ADAMTSL1: variants seen among roughly 807,000 people sequenced by gnomAD.
The protein encoded by ADAMTSL1 is ADAMTS-like protein 1.
A neutral mutation model predicts 201.8 loss-of-function variants in ADAMTSL1; 126 were observed. The observed-to-expected ratio is 0.62, with a 90% CI of 0.54 to 0.72. The LOEUF (loss-of-function observed/expected upper bound fraction) is 0.72. Among genes scored for constraint, ADAMTSL1 ranks in the 30% least tolerant of loss-of-function variants. The pLI is 0.00. For synonymous variants in ADAMTSL1, 1,121 were observed against 903.4 expected (o/e 1.24, Z -4.32); for missense variants, 2,679 against 2,277.8 (o/e 1.18, Z -3.59).
At chr9:18,606,927 C>T (rs1825056649) in intron 4 of ADAMTSL1, among the ~76,000 whole-genome samples, 1 of 152,166 alleles carries the variant, frequency 6.6e-6, no homozygotes, top group Non-Finnish European at 1.5e-5. Flanking sequence ...GAGATACAAC[C>T]TCCATTCACT....
At chr9:18,464,002 C>T (rs2000047) in intron 2 of ADAMTSL1, among the ~76,000 whole-genome samples, 38,038 of 152,146 alleles carry the variant, frequency 0.25, 5,528 homozygotes, top group South Asian at 0.37. Context: ...TGCAGCTATG[C>T]CAGAGGTGGG....
At chr9:18,513,307 C>G (rs1564008967) in intron 2 of ADAMTSL1, among the ~76,000 whole-genome samples, 1 of 152,190 alleles carries the variant, frequency 6.6e-6, no homozygotes, top group Non-Finnish European at 1.5e-5. Context: ...AGTACTATTT[C>G]TCCCTCCGCC....
intron 16 of ADAMTSL1, among the ~76,000 whole-genome samples, chr9:18,759,511 T>G (rs1819948780): frequency 6.6e-6 from 1 of 152,230 alleles, no homozygotes; most frequent in African/African-American, 2.4e-5. Flanking sequence ...AGTTAGAGGC[T>G]ATATTTATTT....
Position 18,817,185 on chromosome 9 carries a change from C to T in ADAMTSL1, c.3882C>T (p.Ser1294=). ...CTGCAGTCACAGTCGATATAGGAAG[C>T]ACCATCAAAACAGTGCAGGGAGTGA... is the stretch of plus-strand genomic sequence containing the variant. ...EKPAVTVDIG[S]TIKTVQGVNV... is the part of the protein sequence containing the mutation. The change falls in exon 21 of 29, where the codon AGC becomes AGT. Residue 1294 remains serine, a synonymous_variant. Transcript: ENST00000380548. 6.3e-7 allele frequency: 1 copy of T among 1,577,900 alleles called. No homozygotes were observed.
chr9:18,865,244 A>T (rs189399810), intron 23 of ADAMTSL1, among the ~76,000 whole-genome samples: 1,600 of 151,962 alleles, frequency 0.011, 21 homozygotes, highest in Non-Finnish European at 0.012. Context: ...CCTGTGTCCA[A>T]GTGTTCTCAT....
chr9:18,059,000 T>C (rs1241201732), intron 1 of ADAMTSL1, among the ~76,000 whole-genome samples: 2 of 152,186 alleles, frequency 1.3e-5, no homozygotes, highest in Non-Finnish European at 2.9e-5. Context: ...CACATTCTCA[T>C]TTAAGCCTAA....
intron 2 of ADAMTSL1, among the ~76,000 whole-genome samples, chr9:18,270,274 A>T (rs959303275): frequency 6.6e-6 from 1 of 152,084 alleles, no homozygotes; most frequent in Admixed American, 6.6e-5. Context: ...CATGAATCTC[A>T]TTCATGAGGA....
At chr9:18,686,174 G>A (rs182403577) in intron 13 of ADAMTSL1, among the ~76,000 whole-genome samples, 1 of 152,288 alleles carries the variant, frequency 6.6e-6, no homozygotes, top group African/African-American at 2.4e-5. Flanking sequence ...GCCTGCCTCA[G>A]CCTCCCAAAG....
chr9:18,029,867 G>C (rs1270439039), intron 1 of ADAMTSL1, among the ~76,000 whole-genome samples: 1 of 152,144 alleles, frequency 6.6e-6, no homozygotes, highest in Non-Finnish European at 1.5e-5. Context: ...ACACCAGTTA[G>C]AATGGTGATC....
At chr9:18,104,506 C>T (rs1322669918) in intron 1 of ADAMTSL1, among the ~76,000 whole-genome samples, 4 of 152,114 alleles carry the variant, frequency 2.6e-5, no homozygotes, top group Non-Finnish European at 5.9e-5. Context: ...TGCAGGTGGC[C>T]ACACTTGGGC....
At chr9:18,834,288 T>C (rs563926986) in intron 23 of ADAMTSL1, among the ~76,000 whole-genome samples, 2 of 152,324 alleles carry the variant, frequency 1.3e-5, no homozygotes, top group African/African-American at 4.8e-5. Flanking sequence ...AGTATGACCA[T>C]TTTAACAATG....
At position 18,889,967 on chromosome 9, in the gene ADAMTSL1, C is replaced by T. The variant is rs537067702; in HGVS notation, c.4643+219C>T. ...TCAGCTTTGTTTATTCCTCACCCCA[C>T]TAATGGCCAGCCAGGTTTCCCAAGT... On this transcript the variant is annotated intron_variant, in intron 25 of 28. Coordinates refer to ENST00000380548, the MANE Select transcript of ADAMTSL1 (RefSeq NM_001040272.6). 5.9e-5 allele frequency among the ~76,000 whole-genome samples: 9 copies of T among 152,230 alleles called. No homozygotes were observed. In the South Asian group the frequency reaches 1.7e-3, roughly 28 times the overall value.
chr9:18,876,738 G>T (rs1015376318), intron 23 of ADAMTSL1, among the ~76,000 whole-genome samples: 5 of 152,126 alleles, frequency 3.3e-5, no homozygotes, highest in Admixed American at 2.0e-4. Context: ...CCTAGATGAT[G>T]ATCTTTTTGC....
intron 15 of ADAMTSL1, among the ~76,000 whole-genome samples, chr9:18,739,718 C>T (rs1818709436): frequency 6.6e-6 from 1 of 152,196 alleles, no homozygotes; most frequent in Non-Finnish European, 1.5e-5. Flanking sequence ...CCCACGTCAA[C>T]ACCCTTTAGG....
chr9:18,100,484 T>G (rs923389714), intron 1 of ADAMTSL1, among the ~76,000 whole-genome samples: 28 of 152,330 alleles, frequency 1.8e-4, no homozygotes, highest in African/African-American at 5.5e-4. Flanking sequence ...CCCTGAACTT[T>G]CAGAAGGATT....
chr9:18,634,911 T>TATATAAATAAGTATGTAAATATATATTTA (rs1554719412), intron 5 of ADAMTSL1, among the ~76,000 whole-genome samples: 1 of 81,438 alleles, frequency 1.2e-5, no homozygotes, highest in Non-Finnish European at 2.2e-5. Flanking sequence ...ATATATTTAA[T>TATATAAATAAGTATGTAAATATATATTTA]ATATATATAT....
chr9:18,273,762 T>A (rs553162757), intron 2 of ADAMTSL1, among the ~76,000 whole-genome samples: 6 of 152,196 alleles, frequency 3.9e-5, no homozygotes, highest in African/African-American at 1.4e-4. Context: ...TCCTTGGTTG[T>A]AACCTAGATT....
chr9:18,822,612 G>A (rs1824279467), intron 21 of ADAMTSL1, among the ~76,000 whole-genome samples: 1 of 152,128 alleles, frequency 6.6e-6, no homozygotes, highest in Non-Finnish European at 1.5e-5. Context: ...CTTTTCTGAT[G>A]TAATGATGTA....
upstream of ADAMTSL1, among the ~76,000 whole-genome samples, chr9:18,471,832 C>T (rs368120800): frequency 2.0e-5 from 3 of 152,124 alleles, no homozygotes; most frequent in Non-Finnish European, 4.4e-5. Context: ...TTAGCATGCC[C>T]ATTAAAACTT....
Sources: gnomAD v4.1 joint callset for allele counts (sites outside exome capture counted in the v4.1 genomes callset) on GRCh38, gnomAD v4.1.1 for gene constraint, MANE v1.5 for transcripts, NCBI Gene and HGNC (gene_info 2026-07-23, HGNC 2026-07-21) for gene names.